The following VPS45 variants were observed in gnomAD, a reference collection of about 807,000 sequenced individuals.
VPS45 encodes the protein vacuolar protein sorting 45 homolog.
A neutral mutation model predicts 75.9 loss-of-function variants in VPS45; 35 were observed. That is an observed-to-expected ratio of 0.46 (90% CI 0.35 to 0.61). The LOEUF (loss-of-function observed/expected upper bound fraction) is 0.61. VPS45 is among the 20% of genes least tolerant of loss of function. The pLI is 0.00. For missense variants in VPS45, 559 were observed against 685.9 expected (o/e 0.81, Z 2.07); for synonymous variants, 220 against 238.2 (o/e 0.92, Z 0.70).
intron 10 of VPS45, among the ~76,000 whole-genome samples, chr1:150,086,460 CTCTGATT>C (rs1250831103): frequency 6.6e-6 from 1 of 151,976 alleles, no homozygotes; most frequent in Non-Finnish European, 1.5e-5. Context: ...CCTTGTATCT[CTCTGATT>C]TCAGAAAAGT....
intron 14 of VPS45, among the ~76,000 whole-genome samples, chr1:150,110,957 GT>G (rs1183331542): frequency 5.3e-5 from 8 of 152,018 alleles, no homozygotes; most frequent in African/African-American, 1.4e-4. Context: ...TAAAAATTGG[GT>G]TTTTTTTAAA....
intron 13 of VPS45, among the ~76,000 whole-genome samples, chr1:150,102,337 G>T (rs1407521281): frequency 2.0e-5 from 3 of 151,754 alleles, no homozygotes; most frequent in Non-Finnish European, 4.4e-5. Flanking sequence ...ATCATCTGAG[G>T]TCAGGAGTTC....
chr1:150,076,861 C>A, intron 4 of VPS45, 55 bp from the exon 5 acceptor site: 2 of 1,590,376 alleles, frequency 1.3e-6, no homozygotes, highest in South Asian at 1.1e-5. Flanking sequence ...GAAAATATTA[C>A]TGCTTGATAC....
At chr1:150,082,582 C>T in intron 9 of VPS45, 134 bp from the exon 10 acceptor site, 1 of 1,060,580 alleles carries the variant, frequency 9.4e-7, no homozygotes, top group African/African-American at 1.6e-5. Flanking sequence ...AACAAAATGC[C>T]ATGTGGCTGA....
In VPS45 at chr1:150,072,237, T is replaced by C; in HGVS notation, c.289+11T>C. The C allele has an allele frequency of 6.3e-7, 1 of 1,583,296 alleles. No homozygotes were observed. Among genetic ancestry groups the C allele is most frequent in the Non-Finnish European group, 8.6e-7 (1 of 1,160,964 alleles). Reference sequence around the variant, plus strand: ...CTATATATTTCATTTGTAAGTATGTTAGTTCACTTTTTCAAACATGTAACA... The same window carrying C: ...CTATATATTTCATTTGTAAGTATGTCAGTTCACTTTTTCAAACATGTAACA... On this transcript the variant is annotated intron_variant, in intron 3 of 14. Transcript: ENST00000644510.
chr1:150,081,828 GT>G lies in VPS45; in HGVS notation c.823-54del, dbSNP rs372466118. On this transcript the variant is annotated intron_variant, in intron 8 of 14. Transcript: ENST00000644510. ...CCAAATTCTTTTTCACTTCTTTCAA[GT>G]TGTCTGAAAGTCAGACTAGTTGATG... 2.2e-3 allele frequency: 2,387 copies of G among 1,095,658 alleles called. 17 individuals carry two copies. Among genetic ancestry groups the G allele is most frequent in the Middle Eastern group, 0.021 (102 of 4,880 alleles). 67.9% of individuals were successfully genotyped at this position (1,095,658 alleles called of 1,614,324 possible).
intron 14 of VPS45, among the ~76,000 whole-genome samples, chr1:150,121,725 T>A (rs1482584387): frequency 6.6e-6 from 1 of 152,222 alleles, no homozygotes; most frequent in East Asian, 1.9e-4. Context: ...AGATATTTAT[T>A]GAACATGTGA....
intron 3 of VPS45, among the ~76,000 whole-genome samples, chr1:150,075,257 C>T (rs1365391978): frequency 6.6e-6 from 1 of 151,530 alleles, no homozygotes; most frequent in African/African-American, 2.4e-5. Context: ...CACCCCTGCC[C>T]CTGCTGCCCC....
intron 14 of VPS45, among the ~76,000 whole-genome samples, chr1:150,139,979 C>T (rs1466494682): frequency 1.3e-5 from 2 of 152,050 alleles, no homozygotes; most frequent in East Asian, 1.9e-4. Flanking sequence ...CTGTAACCTC[C>T]GCCTCCCAGG....
chr1:150,110,532 C>T lies in VPS45; in HGVS notation c.1530C>T (p.Ala510=). Residue 510 remains alanine (A), a synonymous_variant, in exon 14 of 15, where the codon GCC becomes GCT. Coordinates refer to ENST00000644510, the MANE Select transcript of VPS45 (RefSeq NM_007259.5). ...QDIIVFVIGG[A]TYEEALTVYN... The stretch of plus-strand genomic sequence containing the variant: ...TCATTGTGTTTGTAATTGGAGGAGC[C>T]ACCTATGAAGAGGCTCTAACAGTTT... 8 of 1,613,474 alleles carry T rather than the reference C, an allele frequency of 5.0e-6. No homozygotes were observed. The highest frequency in any genetic ancestry group is 1.1e-5 in the South Asian group (1 of 91,042).
At chr1:150,137,388 T>C (rs1659167457) in intron 14 of VPS45, among the ~76,000 whole-genome samples, 1 of 152,184 alleles carries the variant, frequency 6.6e-6, no homozygotes, top group African/African-American at 2.4e-5. Flanking sequence ...AAAGTAATAC[T>C]CAAGATGTGC....
At position 150,092,292 on chromosome 1, in the gene VPS45, T is replaced by G. The variant is rs782467254; in HGVS notation, c.1264-10T>G. 1 of 1,612,656 alleles carries G rather than the reference T, an allele frequency of 6.2e-7. No individual in the cohort carries two copies. The highest frequency in any genetic ancestry group is 2.2e-5 in the East Asian group (1 of 44,846). On this transcript the variant is annotated splice_polypyrimidine_tract_variant and intron_variant, in intron 11 of 14. Coordinates refer to ENST00000644510, the MANE Select transcript of VPS45 (RefSeq NM_007259.5). ...CTAAGCAATCAAAATTTGCTTCTCT[T>G]TCTTAATAGCTCGTGTCTGCAGTTG...
chr1:150,083,725 A>G (rs1169594086), intron 10 of VPS45, among the ~76,000 whole-genome samples: 9 of 150,086 alleles, frequency 6.0e-5, no homozygotes, highest in African/African-American at 1.5e-4. Context: ...TTAAATATAT[A>G]TATGGGAACA....
rs1207950127 is a variant in VPS45 at position 150,081,893 on chromosome 1, C to T, written c.832C>T (p.Leu278=). 1.9e-6 allele frequency: 3 copies of T among 1,609,222 alleles called. No individual in the cohort carries two copies. Among genetic ancestry groups the T allele is most frequent in the African/African-American group, 2.7e-5 (2 of 74,658 alleles). Residue 278 remains leucine (L), a synonymous_variant, in exon 9 of 15, where the codon CTG becomes TTG. Coordinates refer to ENST00000644510, the MANE Select transcript of VPS45 (RefSeq NM_007259.5). Reference sequence around the variant, plus strand: ...ACTTTCTTTTTCACAGAATATGTACCTGAACTTTGCTGAGATTGGTAGCAA... The same window carrying T: ...ACTTTCTTTTTCACAGAATATGTACTTGAACTTTGCTGAGATTGGTAGCAA... ...NDEFYANNMY[L]NFAEIGSNIK...
At position 150,082,698 on chromosome 1, in the gene VPS45, A is replaced by G. The variant is rs1181458738; in HGVS notation, c.937-18A>G. ...CAAAAAATAACAGAACCTCCCATTG[A>G]TGTTTTTCCCATGGCAGGCGTTTGT... is the stretch of plus-strand genomic sequence containing the variant. On this transcript the variant is annotated intron_variant, in intron 9 of 14. Coordinates refer to ENST00000644510, the MANE Select transcript of VPS45 (RefSeq NM_007259.5). The G allele has an allele frequency of 2.5e-6, 4 of 1,607,510 alleles. No homozygotes were observed. In the Admixed American group the frequency reaches 6.7e-5, roughly 27 times the overall value.
chr1:150,116,946 T>C (rs1364936862), intron 14 of VPS45, among the ~76,000 whole-genome samples: 3 of 152,166 alleles, frequency 2.0e-5, no homozygotes, highest in African/African-American at 7.2e-5. Flanking sequence ...ATCACACCTG[T>C]AATCCTAGCA....
chr1:150,127,661 A>G (rs1430463279), intron 14 of VPS45, among the ~76,000 whole-genome samples: 1 of 152,230 alleles, frequency 6.6e-6, no homozygotes, highest in Non-Finnish European at 1.5e-5. Flanking sequence ...GAAGTTAAGT[A>G]CCTTGTCCAA....
In VPS45 at chr1:150,077,762, A is replaced by G. The variant is rs782341689; in HGVS notation, c.670A>G (p.Thr224Ala). ...TTTAGATCGCTGTGATGATGCCATC[A>G]CCCCATTGCTAAACCAGGTACAAAA... ...LILDRCDDAITPLLNQWTYQA... is the reference protein window; with the variant it reads ...LILDRCDDAIAPLLNQWTYQA... Residue 224 changes from threonine (T) to alanine (A), a missense_variant, in exon 7 of 15, where the codon ACC (threonine) becomes GCC (alanine). Transcript: ENST00000644510. 2 of 1,613,766 alleles carry G rather than the reference A, an allele frequency of 1.2e-6. No homozygotes were observed. Among genetic ancestry groups the G allele is most frequent in the Non-Finnish European group, 1.7e-6 (2 of 1,179,774 alleles).
At chr1:150,114,624 G>T (rs1224743601) in intron 14 of VPS45, among the ~76,000 whole-genome samples, 6 of 150,332 alleles carry the variant, frequency 4.0e-5, no homozygotes, top group Non-Finnish European at 8.9e-5. Context: ...GACTAGGCAT[G>T]GTGGCTCACA....
Sources: gnomAD v4.1 joint callset for allele counts (sites outside exome capture counted in the v4.1 genomes callset) on GRCh38, gnomAD v4.1.1 for gene constraint, MANE v1.5 for transcripts, NCBI Gene and HGNC (gene_info 2026-07-23, HGNC 2026-07-21) for gene names.